KCNK1: variants seen among roughly 807,000 people sequenced by gnomAD.
KCNK1 encodes the protein potassium channel subfamily K member 1.
A neutral mutation model predicts 22.2 loss-of-function variants in KCNK1; 10 were observed. The observed-to-expected ratio is 0.45, with a 90% CI of 0.28 to 0.76. The LOEUF is 0.76. Ranked by LOEUF, KCNK1 falls within the 30% of genes least tolerant of loss-of-function variation. The pLI is 0.14. For synonymous variants in KCNK1, 200 were observed against 186.4 expected, an observed-to-expected ratio of 1.07 and a Z score of -0.60; for missense variants, 378 against 421.0, an observed-to-expected ratio of 0.90 and a Z score of 0.89.
At chr1:233,620,151 G>A (rs540407030) in intron 1 of KCNK1, among the ~76,000 whole-genome samples, 1 of 152,316 alleles carries the variant, frequency 6.6e-6, no homozygotes, top group African/African-American at 2.4e-5. Flanking sequence ...TTTTATTGGT[G>A]TGCAGCCACA....
At chr1:233,625,396 G>A (rs1375247727) in intron 1 of KCNK1, among the ~76,000 whole-genome samples, 3 of 152,162 alleles carry the variant, frequency 2.0e-5, no homozygotes, top group African/African-American at 7.2e-5. Context: ...AAAGTTTTAT[G>A]GTTTTATGGC....
chr1:233,650,886 C>T (rs572916802), intron 1 of KCNK1, among the ~76,000 whole-genome samples: 2 of 152,134 alleles, frequency 1.3e-5, no homozygotes, highest in Admixed American at 1.3e-4. Context: ...ATGGACGCCA[C>T]GTTTCCCTCC....
At chr1:233,639,776 T>G (rs138725003) in intron 1 of KCNK1, among the ~76,000 whole-genome samples, 1 of 152,314 alleles carries the variant, frequency 6.6e-6, no homozygotes, top group Non-Finnish European at 1.5e-5. Flanking sequence ...CATTTTTGCT[T>G]TTGTACTCCT....
At chr1:233,642,828 G>A (rs1658022522) in intron 1 of KCNK1, among the ~76,000 whole-genome samples, 1 of 151,884 alleles carries the variant, frequency 6.6e-6, no homozygotes, top group South Asian at 2.1e-4. Context: ...GAGTGCAGTG[G>A]CGTGATCTAG....
intron 1 of KCNK1, among the ~76,000 whole-genome samples, chr1:233,664,362 G>A (rs1325209168): frequency 6.6e-6 from 1 of 152,008 alleles, no homozygotes; most frequent in Non-Finnish European, 1.5e-5. Flanking sequence ...TATGTAGCAT[G>A]AACATTATTT....
At chr1:233,622,548 A>T (rs1021286182) in intron 1 of KCNK1, among the ~76,000 whole-genome samples, 8 of 152,116 alleles carry the variant, frequency 5.3e-5, no homozygotes, top group Admixed American at 1.3e-4. Context: ...TTTCTTTTGC[A>T]TGGATCCCTT....
chr1:233,652,387 A>G (rs897697376), intron 1 of KCNK1, among the ~76,000 whole-genome samples: 1 of 152,108 alleles, frequency 6.6e-6, no homozygotes, highest in Non-Finnish European at 1.5e-5. Context: ...TGATAAACCC[A>G]TGGTTCAAAT....
intron 1 of KCNK1, among the ~76,000 whole-genome samples, chr1:233,624,381 G>A (rs765986301): frequency 6.6e-6 from 1 of 151,994 alleles, no homozygotes; most frequent in African/African-American, 2.4e-5. Flanking sequence ...ATTTCTTCCC[G>A]CTCTTTCTCC....
At chr1:233,629,755 C>T (rs1657757718) in intron 1 of KCNK1, 2 of 152,098 alleles carry the variant, frequency 1.3e-5, no homozygotes, top group African/African-American at 4.8e-5. Flanking sequence ...GCTCCGTAGT[C>T]GCAGGGATGA....
intron 1 of KCNK1, among the ~76,000 whole-genome samples, chr1:233,635,433 C>G (rs1442822875): frequency 6.6e-6 from 1 of 152,256 alleles, no homozygotes; most frequent in East Asian, 1.9e-4. Context: ...CCTCCAAGAT[C>G]ATAACATTTT....
intron 2 of KCNK1, among the ~76,000 whole-genome samples, chr1:233,669,567 G>T (rs1252312907): frequency 1.3e-5 from 2 of 152,160 alleles, no homozygotes; most frequent in Non-Finnish European, 2.9e-5. Flanking sequence ...TATAAAGGAG[G>T]CTGGGCACGG....
chr1:233,650,847 A>C (rs539684997), intron 1 of KCNK1, among the ~76,000 whole-genome samples: 4 of 151,822 alleles, frequency 2.6e-5, no homozygotes, highest in African/African-American at 9.7e-5. Context: ...TCTTCCTCCA[A>C]AAGATACAGA....
chr1:233,662,389 A>ACAGACT (rs996755143), intron 1 of KCNK1, among the ~76,000 whole-genome samples: 4 of 152,168 alleles, frequency 2.6e-5, no homozygotes, highest in African/African-American at 7.2e-5. Context: ...TGATACTGTT[A>ACAGACT]CAGACTCAGG....
At position 233,666,568 on chromosome 1, in the gene KCNK1, G is replaced by A. The variant is rs756231659; in HGVS notation, c.356-27G>A. 72 of 1,564,272 alleles carry A rather than the reference G, an allele frequency of 4.6e-5. No homozygotes were observed. In the Middle Eastern group the frequency reaches 5.2e-4, roughly 11 times the overall value. ...TTTGCCACTTTGTCTCTTCCTCTTC[G>A]CCTCAGTGACCTTGTTCTCCTTGCA... is the stretch of plus-strand genomic sequence containing the variant. On this transcript the variant is annotated intron_variant, in intron 1 of 2. Coordinates refer to ENST00000366621, the MANE Select transcript of KCNK1 (RefSeq NM_002245.4).
intron 1 of KCNK1, among the ~76,000 whole-genome samples, chr1:233,662,229 T>G (rs565929801): frequency 7.3e-6 from 1 of 136,924 alleles, no homozygotes; most frequent in Non-Finnish European, 1.6e-5. Context: ...TGCTGCTTCT[T>G]CTTCTTCTCC....
chr1:233,661,665 A>C (rs2102907953), intron 1 of KCNK1, among the ~76,000 whole-genome samples: 1 of 152,144 alleles, frequency 6.6e-6, no homozygotes, highest in Middle Eastern at 3.4e-3. Flanking sequence ...TCTCTGGCAA[A>C]CTTCTTTTTA....
At chr1:233,663,918 G>T (rs749400828) in intron 1 of KCNK1, among the ~76,000 whole-genome samples, 1 of 151,880 alleles carries the variant, frequency 6.6e-6, no homozygotes, top group Admixed American at 6.6e-5. Flanking sequence ...TGCAAGCTCC[G>T]CCTCACGGGT....
At chr1:233,668,590 T>C (rs577115630) in intron 2 of KCNK1, among the ~76,000 whole-genome samples, 1 of 152,294 alleles carries the variant, frequency 6.6e-6, no homozygotes, top group African/African-American at 2.4e-5. Context: ...TCAGGGGTAT[T>C]ATAAATGACA....
chr1:233,666,347 C>A (rs1478800565), intron 1 of KCNK1, among the ~76,000 whole-genome samples: 1 of 152,104 alleles, frequency 6.6e-6, no homozygotes, highest in Non-Finnish European at 1.5e-5. Context: ...AGACCAGAGA[C>A]CCTGATGTGT....
Sources: gnomAD v4.1 joint callset for allele counts (sites outside exome capture counted in the v4.1 genomes callset) on GRCh38, gnomAD v4.1.1 for gene constraint, MANE v1.5 for transcripts, NCBI Gene and HGNC (gene_info 2026-07-23, HGNC 2026-07-21) for gene names.